Variants in ERF observed in about 807,000 individuals in gnomAD.
ERF encodes ETS2 repressor factor.
A neutral mutation model predicts 41.6 loss-of-function variants in ERF; 10 were observed. The ratio of observed to expected loss-of-function variants is 0.24; its 90% CI spans 0.15 to 0.41. ERF has a LOEUF of 0.41. Among genes scored for constraint, ERF ranks in the 10% least tolerant of loss-of-function variants. The pLI is 1.00. For synonymous variants in ERF, 395 were observed against 342.4 expected, an observed-to-expected ratio of 1.15 and a Z score of -1.70; for missense variants, 621 against 763.2, an observed-to-expected ratio of 0.81 and a Z score of 2.19.
In ERF at chr19:42,249,065, C is replaced by G. The variant is rs1232057738; in HGVS notation, c.1047G>C (p.Pro349=). ...VPQPQRPDKC[P]LPPMAPETPP... The stretch of plus-strand genomic sequence containing the variant: ...GGGTCTCGGGTGCCATGGGCGGCAG[C>G]GGGCACTTGTCAGGGCGCTGGGGCT... The change falls in exon 4 of 4, where the codon CCG becomes CCC. Residue 349 remains proline (P), a synonymous_variant. Transcript: ENST00000222329. This position sits in a 1 kb window ranked among gnomAD's most constrained non-coding sequence, Gnocchi z 8.6. 1 of 1,612,690 alleles carries G rather than the reference C, an allele frequency of 6.2e-7. No homozygotes were observed. Among genetic ancestry groups the G allele is most frequent in the African/African-American group, 1.3e-5 (1 of 74,880 alleles).
At chr19:42,254,926 T>G in intron 1 of ERF, 52 bp downstream of exon 1, 1 of 1,513,650 alleles carries the variant, frequency 6.6e-7, no homozygotes, top group South Asian at 1.3e-5. Context: ...GTTTCTCCGT[T>G]CGGTTTCCCG....
chr19:42,253,350 G>A (rs939856215), intron 1 of ERF, among the ~76,000 whole-genome samples: 38 of 152,152 alleles, frequency 2.5e-4, no homozygotes, highest in Non-Finnish European at 2.9e-5. Flanking sequence ...GGTGCGGAGC[G>A]GCAGGCCAGG....
rs758497035 is a variant in ERF, at chr19:42,249,516, G to A, written c.596C>T (p.Pro199Leu). The change falls in exon 4 of 4, where the codon CCG (proline) becomes CTG (leucine). Residue 199 changes from proline (P) to leucine (L), a missense_variant. Coordinates refer to ENST00000222329, the MANE Select transcript of ERF (RefSeq NM_006494.4). This position sits in a 1 kb window ranked among gnomAD's most constrained non-coding sequence, Gnocchi z 8.6. ...TCGGGCGCGGGGATCCTCTCCCAGC[G>A]GTTCCTCCAGCTCTGACGTGCCATC... is the stretch of plus-strand genomic sequence containing the variant. Reference protein sequence around the residue: ...CSDGTSELEEPLGEDPRARPP... With the variant: ...CSDGTSELEELLGEDPRARPP... The A allele has an allele frequency of 5.0e-6, 8 of 1,612,840 alleles. No homozygotes were observed. The highest frequency in any genetic ancestry group is 1.6e-4 in the Middle Eastern group (1 of 6,082).
intron 1 of ERF, among the ~76,000 whole-genome samples, chr19:42,254,265 C>T (rs1298241431): frequency 6.6e-6 from 1 of 151,922 alleles, no homozygotes; most frequent in African/African-American, 2.4e-5. Flanking sequence ...CCACCTTCCC[C>T]ACCCTCCTCA....
Position 42,250,992 on chromosome 19 carries a change from GT to G in ERF, c.23-428del, listed in dbSNP as rs2036436056. 1.3e-5 allele frequency among the ~76,000 whole-genome samples: 2 copies of G among 152,006 alleles called. No individual in the cohort carries two copies. The highest frequency in any genetic ancestry group is 2.9e-5 in the Non-Finnish European group (2 of 68,002). Reference sequence around the variant, plus strand: ...GTTGCACCACCCCAGCTCCTCGGATGTCCTCCTTAGAAACATGCACTGTCTC... The same window carrying G: ...GTTGCACCACCCCAGCTCCTCGGATGCCTCCTTAGAAACATGCACTGTCTC... On this transcript the variant is annotated intron_variant, in intron 1 of 3. Coordinates refer to ENST00000222329, the MANE Select transcript of ERF (RefSeq NM_006494.4). This position sits in a 1 kb window ranked among gnomAD's most constrained non-coding sequence, Gnocchi z 5.1.
chr19:42,252,838 G>A (rs1324062211), intron 1 of ERF, among the ~76,000 whole-genome samples: 1 of 152,320 alleles, frequency 6.6e-6, no homozygotes, highest in African/African-American at 2.4e-5. Context: ...GTGTGAGTGT[G>A]CTGTGTATGC....
intron 1 of ERF, 69 bp downstream of exon 1, chr19:42,254,909 C>A: frequency 6.7e-7 from 1 of 1,491,416 alleles, no homozygotes; most frequent in East Asian, 2.7e-5. Flanking sequence ...CCTTCAGCCC[C>A]CCCAAAGTTT....
chr19:42,250,548 A>T lies in ERF; in HGVS notation c.40T>A (p.Trp14Arg). 6.2e-7 allele frequency: 1 copy of T among 1,613,378 alleles called. No individual in the cohort carries two copies. Among genetic ancestry groups the T allele is most frequent in the Non-Finnish European group, 8.5e-7 (1 of 1,179,994 alleles). ...GGGGACGACTCTGGCTTGTAGGCCCAATCCGGGAAGGCAAACCCTGGGGAC... is the reference window on the plus strand; with the variant it reads ...GGGGACGACTCTGGCTTGTAGGCCCTATCCGGGAAGGCAAACCCTGGGGAC... ...PADTGFAFPD[W>R]AYKPESSPGS... The change falls in exon 2 of 4, where the codon TGG becomes AGG. Residue 14 changes from tryptophan (W) to arginine (R), a missense_variant. Physicochemically the swap from Trp to Arg is moderately radical, Grantham distance 101 (BLOSUM62 -3). This residue lies in a region of ERF where 34 missense variants were observed against 56.8 expected (regional missense o/e 0.60). Transcript: ENST00000222329. The surrounding 1 kb of genome is among the most constrained non-coding windows in gnomAD (Gnocchi z 5.1).
chr19:42,252,421 C>T (rs769583284), intron 1 of ERF, among the ~76,000 whole-genome samples: 1 of 151,178 alleles, frequency 6.6e-6, no homozygotes, highest in African/African-American at 2.4e-5. Flanking sequence ...GTGTGTGCAG[C>T]GACAGTCCTG....
At chr19:42,253,934 T>C (rs906998458) in intron 1 of ERF, 11 of 1,030,386 alleles carry the variant, frequency 1.1e-5, no homozygotes, top group Non-Finnish European at 1.3e-5. Flanking sequence ...CCCTTCCCCC[T>C]CCCCCGTCCC....
chr19:42,254,630 C>A (rs1409089171), intron 1 of ERF: 2 of 236,720 alleles, frequency 8.4e-6, no homozygotes, highest in Non-Finnish European at 1.7e-5. Context: ...CCCCCCCGCC[C>A]CGCACACGTC....
chr19:42,248,655 C>A lies in ERF; in HGVS notation c.1457G>T (p.Arg486Leu). 2 of 1,601,524 alleles carry A rather than the reference C, an allele frequency of 1.2e-6. No individual in the cohort carries two copies. Among genetic ancestry groups the A allele is most frequent in the Non-Finnish European group, 1.7e-6 (2 of 1,171,560 alleles). Residue 486 changes from arginine (R) to leucine (L), a missense_variant, in exon 4 of 4, where the codon CGG becomes CTG. Transcript: ENST00000222329. The surrounding 1 kb of genome is among the most constrained non-coding windows in gnomAD (Gnocchi z 4.2). ...GAGGCGACAGTCTTCACTCCAGCGC[C>A]GCTTAAAGCGTAGCTTGAGGGGCAT... ...QCMPLKLRFKRRWSEDCRLEG... is the reference protein window; with the variant it reads ...QCMPLKLRFKLRWSEDCRLEG...
In ERF at chr19:42,250,383, C is replaced by T. The variant is rs745819984; in HGVS notation, c.205G>A (p.Val69Ile). 1.9e-5 allele frequency: 30 copies of T among 1,613,832 alleles called. No homozygotes were observed. Among genetic ancestry groups the T allele is most frequent in the Admixed American group, 3.3e-5 (2 of 60,012 alleles). The change falls in exon 2 of 4, where the codon GTT (valine) becomes ATT (isoleucine). Residue 69 changes from valine (V) to isoleucine (I), a missense_variant. Val to Ile is a conservative substitution (Grantham distance 29). Around this residue, in one of 3 missense-constraint regions of ERF, gnomAD observed 18 missense variants for 80.8 expected, o/e 0.22. Coordinates refer to ENST00000222329, the MANE Select transcript of ERF (RefSeq NM_006494.4). This position sits in a 1 kb window ranked among gnomAD's most constrained non-coding sequence, Gnocchi z 5.1. Reference protein sequence around the residue: ...DPDEVARLWGVRKCKPQMNYD... With the variant: ...DPDEVARLWGIRKCKPQMNYD... ...TTCATCTGGGGCTTGCACTTGCGAA[C>T]GCCCCACAGCCGGGCCACCTCATCA...
chr19:42,251,500 G>T, intron 1 of ERF: 1 of 442,328 alleles, frequency 2.3e-6, no homozygotes, highest in Non-Finnish European at 3.0e-6. Context: ...AACAACAGGG[G>T]CCATCAATAA....
At chr19:42,251,071 ATTT>A (rs72204758) in intron 1 of ERF, among the ~76,000 whole-genome samples, 2 of 144,746 alleles carry the variant, frequency 1.4e-5, no homozygotes, top group Non-Finnish European at 3.1e-5. Flanking sequence ...TGAGAGGAAG[ATTT>A]TTTTTTTTTT....
Position 42,248,590 on chromosome 19 carries a change from C to A in ERF, c.1522G>T (p.Gly508Cys). 1 of 1,585,388 alleles carries A rather than the reference C, an allele frequency of 6.3e-7. No individual in the cohort carries two copies. Among genetic ancestry groups the A allele is most frequent in the South Asian group, 1.1e-5 (1 of 87,304 alleles). ...TCCCCACGCACCTTCTTGTCCTCACCCTCATCCTCAAAGCCCCCAGCGGGG... is the reference window on the plus strand; with the variant it reads ...TCCCCACGCACCTTCTTGTCCTCACACTCATCCTCAAAGCCCCCAGCGGGG... The part of the protein sequence containing the change: ...GGPAGGFEDE[G>C]EDKKVRGEGP... The change falls in exon 4 of 4, where the codon GGT (glycine) becomes TGT (cysteine). Residue 508 changes from glycine (G) to cysteine (C), a missense_variant. This residue lies in a region of ERF where 569 missense variants were observed against 625.5 expected (regional missense o/e 0.91). Coordinates refer to ENST00000222329, the MANE Select transcript of ERF (RefSeq NM_006494.4). This position sits in a 1 kb window ranked among gnomAD's most constrained non-coding sequence, Gnocchi z 4.2.
intron 1 of ERF, chr19:42,254,574 AG>A (rs1406951120): frequency 5.8e-6 from 1 of 171,550 alleles, no homozygotes; most frequent in African/African-American, 2.4e-5. Context: ...GGTCACCAGC[AG>A]GACCGCGCAG....
At position 42,250,558 on chromosome 19, in the gene ERF, G is replaced by A. The variant is rs569171834; in HGVS notation, c.30C>T (p.Ala10=). MKTPADTGF[A]FPDWAYKPES... is the part of the protein sequence containing the mutation. ...CTGGCTTGTAGGCCCAATCCGGGAA[G>A]GCAAACCCTGGGGACGGGAGGCAGG... The change falls in exon 2 of 4, where the codon GCC becomes GCT. Residue 10 remains alanine, a synonymous_variant. Transcript: ENST00000222329. This position sits in a 1 kb window ranked among gnomAD's most constrained non-coding sequence, Gnocchi z 5.1. 1.2e-6 allele frequency: 2 copies of A among 1,613,226 alleles called. No individual in the cohort carries two copies. The highest frequency in any genetic ancestry group is 1.7e-6 in the Non-Finnish European group (2 of 1,179,934).
chr19:42,253,772 A>ATGGGGATGGGAATGGGG, intron 1 of ERF: 2 of 605,206 alleles, frequency 3.3e-6, no homozygotes, highest in South Asian at 1.3e-4. Context: ...GAGCAGGGGG[A>ATGGGGATGGGAATGGGG]TGGGGATGGG....
Sources: allele counts gnomAD v4.1 joint callset (sites outside exome capture counted in the v4.1 genomes callset), GRCh38; gene constraint gnomAD v4.1.1; regional missense constraint gnomAD v4.1.1; non-coding constraint Gnocchi (gnomAD v3.1); transcripts MANE v1.5; gene names NCBI Gene and HGNC (gene_info 2026-07-23, HGNC 2026-07-21).